NKAIN2: variants seen among roughly 807,000 people sequenced by gnomAD.
The protein encoded by NKAIN2 is sodium/potassium-transporting ATPase subunit beta-1-interacting protein 2.
Under a neutral mutation model 32.6 loss-of-function variants are expected in NKAIN2, and 14 were observed. The observed-to-expected ratio is 0.43, with a 90% CI of 0.28 to 0.67. The LOEUF (loss-of-function observed/expected upper bound fraction) is 0.67, where lower values mean the gene tolerates loss of function less well. NKAIN2 is among the 30% of genes least tolerant of loss of function. The probability of loss-of-function intolerance (pLI) is 0.17; values close to 1 mark genes in which losing one functional copy is unlikely to be tolerated. For synonymous variants in NKAIN2, 80 were observed against 87.2 expected (o/e 0.92, Z 0.46); for missense variants, 198 against 258.3 (o/e 0.77, Z 1.60).
At chr6:124,240,555 G>T (rs1443970045) in intron 1 of NKAIN2, among the ~76,000 whole-genome samples, 2 of 152,070 alleles carry the variant, frequency 1.3e-5, no homozygotes, top group Admixed American at 1.3e-4. Context: ...CCATGATCAA[G>T]TCAGCTTCAT....
At chr6:124,798,618 A>C (rs983076527) in intron 5 of NKAIN2, among the ~76,000 whole-genome samples, 4 of 152,124 alleles carry the variant, frequency 2.6e-5, no homozygotes, top group Non-Finnish European at 5.9e-5. Flanking sequence ...CTCTGCCCAA[A>C]GCACAGAAGT....
chr6:124,734,061 G>GCACACACACACACACACACACA (rs61526747), intron 4 of NKAIN2, among the ~76,000 whole-genome samples: 3 of 145,228 alleles, frequency 2.1e-5, no homozygotes, highest in Non-Finnish European at 4.5e-5. Context: ...ATGAGGAAAT[G>GCACACACACACACACACACACA]CACACACACA....
intron 1 of NKAIN2, among the ~76,000 whole-genome samples, chr6:124,012,402 C>A (rs901836481): frequency 7.1e-6 from 1 of 140,582 alleles, no homozygotes; most frequent in African/African-American, 2.7e-5. Flanking sequence ...ATGGTGCGAT[C>A]TCGGCTCACT....
chr6:123,957,025 G>A (rs1391303398), intron 1 of NKAIN2, among the ~76,000 whole-genome samples: 1 of 152,064 alleles, frequency 6.6e-6, no homozygotes, highest in Admixed American at 6.6e-5. Context: ...TGCCTCAGAC[G>A]TTAAGCCTAG....
chr6:124,026,313 C>A (rs1359586042), intron 1 of NKAIN2, among the ~76,000 whole-genome samples: 2 of 152,200 alleles, frequency 1.3e-5, no homozygotes, highest in Non-Finnish European at 2.9e-5. Context: ...TTCTCTTCTA[C>A]AGTATTCATA....
chr6:124,808,840 A>G (rs1385844912), intron 5 of NKAIN2, among the ~76,000 whole-genome samples: 1 of 152,224 alleles, frequency 6.6e-6, no homozygotes, highest in East Asian at 1.9e-4. Context: ...CACCAATAAC[A>G]GACAAACAGA....
intron 4 of NKAIN2, among the ~76,000 whole-genome samples, chr6:124,703,742 C>A (rs1445151872): frequency 1.3e-5 from 2 of 151,936 alleles, no homozygotes; most frequent in Non-Finnish European, 2.9e-5. Flanking sequence ...AGGAAATAAA[C>A]AATCTTCTCA....
At chr6:124,584,862 T>C (rs901022165) in intron 3 of NKAIN2, among the ~76,000 whole-genome samples, 1 of 152,216 alleles carries the variant, frequency 6.6e-6, no homozygotes. Flanking sequence ...GTTGGGAATA[T>C]AAATTCATAC....
chr6:124,508,095 GAAAA>G (rs61476933), intron 3 of NKAIN2, among the ~76,000 whole-genome samples: 5 of 137,750 alleles, frequency 3.6e-5, no homozygotes, highest in African/African-American at 1.1e-4. Flanking sequence ...TGTACCAAAA[GAAAA>G]AAAAAAAAAA....
chr6:124,785,629 T>C (rs1468897472), intron 4 of NKAIN2, among the ~76,000 whole-genome samples: 2 of 152,116 alleles, frequency 1.3e-5, no homozygotes, highest in East Asian at 3.9e-4. Context: ...TAGCCTCCAT[T>C]GAGACTTAAG....
At chr6:124,568,430 T>C (rs1781001803) in intron 3 of NKAIN2, among the ~76,000 whole-genome samples, 1 of 152,188 alleles carries the variant, frequency 6.6e-6, no homozygotes, top group South Asian at 2.1e-4. Flanking sequence ...TTTACATATA[T>C]CATATTTTTC....
chr6:123,938,594 A>G (rs1400760579), intron 1 of NKAIN2, among the ~76,000 whole-genome samples: 1 of 136,048 alleles, frequency 7.4e-6, no homozygotes, highest in Non-Finnish European at 1.6e-5. Context: ...TAGTTTTTAT[A>G]TATTATATAT....
intron 4 of NKAIN2, among the ~76,000 whole-genome samples, chr6:124,677,034 T>A (rs2114491788): frequency 6.6e-6 from 1 of 152,256 alleles, no homozygotes; most frequent in Non-Finnish European, 1.5e-5. Flanking sequence ...AGTGGCGTGA[T>A]CTCGGCTCAC....
In NKAIN2 at chr6:124,590,811, C is replaced by A. The variant is rs73772164; in HGVS notation, c.274-67375C>A. Among the ~76,000 whole-genome samples, 849 of 152,336 alleles carry A rather than the reference C, an allele frequency of 5.6e-3. 9 individuals are homozygous for A. The highest frequency in any genetic ancestry group is 0.019 in the African/African-American group (804 of 41,580). On this transcript the variant is annotated intron_variant, in intron 3 of 6. Coordinates refer to ENST00000368417, the MANE Select transcript of NKAIN2 (RefSeq NM_001040214.3). ...GAAGTATATGGCAACTGGCCCATGTCTTAAAGCTCCAGAGGAGCAGGCTGG... is the reference window on the plus strand; with the variant it reads ...GAAGTATATGGCAACTGGCCCATGTATTAAAGCTCCAGAGGAGCAGGCTGG...
chr6:124,231,761 C>A (rs1327580373), intron 1 of NKAIN2, among the ~76,000 whole-genome samples: 1 of 152,080 alleles, frequency 6.6e-6, no homozygotes, highest in Non-Finnish European at 1.5e-5. Context: ...CATTAAACCT[C>A]TTTTTCTTCC....
Position 124,411,018 on chromosome 6 carries a change from G to A in NKAIN2, c.273+55671G>A, listed in dbSNP as rs1357213151. The stretch of plus-strand genomic sequence containing the variant: ...AGGATTGCAACCCCTGCCTTTTTTT[G>A]TTTTCCATTTGCTTGGTAGATCTTC... On this transcript the variant is annotated intron_variant, in intron 3 of 6. Transcript: ENST00000368417. Among the ~76,000 whole-genome samples, 2 of 151,276 alleles carry A rather than the reference G, an allele frequency of 1.3e-5. 1 individual carries two copies. The highest frequency in any genetic ancestry group is 6.4e-3 in the Middle Eastern group (2 of 312).
At chr6:124,098,878 T>TAAC (rs1160018394) in intron 1 of NKAIN2, among the ~76,000 whole-genome samples, 2 of 151,292 alleles carry the variant, frequency 1.3e-5, no homozygotes, top group African/African-American at 4.9e-5. Context: ...TCAAGAAAAA[T>TAAC]AATAATAATA....
chr6:123,855,000 C>T (rs1775502424), intron 1 of NKAIN2, among the ~76,000 whole-genome samples: 1 of 152,198 alleles, frequency 6.6e-6, no homozygotes, highest in Non-Finnish European at 1.5e-5. Context: ...CATACCTCTA[C>T]TCTGTCCGAA....
intron 4 of NKAIN2, among the ~76,000 whole-genome samples, chr6:124,669,803 G>A (rs1249241008): frequency 6.6e-6 from 1 of 151,726 alleles, no homozygotes; most frequent in Non-Finnish European, 1.5e-5. Flanking sequence ...CACATTTTTT[G>A]GCATTACATT....
Sources: gnomAD v4.1 joint callset for allele counts (sites outside exome capture counted in the v4.1 genomes callset) on GRCh38, gnomAD v4.1.1 for gene constraint, MANE v1.5 for transcripts, NCBI Gene and HGNC (gene_info 2026-07-23, HGNC 2026-07-21) for gene names.